CDS1: variants seen among roughly 807,000 people sequenced by gnomAD.
The protein encoded by CDS1 is CDP-diacylglycerol synthase 1.
Under a neutral mutation model 62.1 loss-of-function variants are expected in CDS1, and 41 were observed. The ratio of observed to expected loss-of-function variants is 0.66; its 90% CI spans 0.51 to 0.86. The LOEUF is 0.86. Ranked by LOEUF, CDS1 falls within the 40% of genes least tolerant of loss-of-function variation. CDS1 has a pLI of 0.00. For missense variants in CDS1, 470 were observed against 550.1 expected, an observed-to-expected ratio of 0.85 and a Z score of 1.46; for synonymous variants, 185 against 192.6, an observed-to-expected ratio of 0.96 and a Z score of 0.32.
chr4:84,644,965 G>GT (rs1199312342), intron 11 of CDS1, among the ~76,000 whole-genome samples: 1 of 152,168 alleles, frequency 6.6e-6, no homozygotes, highest in Non-Finnish European at 1.5e-5. Flanking sequence ...ACGAAAAAAA[G>GT]TAAGTGCTAG....
chr4:84,591,502 T>C (rs1722590421), intron 1 of CDS1, among the ~76,000 whole-genome samples: 2 of 152,194 alleles, frequency 1.3e-5, no homozygotes, highest in Non-Finnish European at 2.9e-5. Context: ...TGTTTGTTGC[T>C]CAACAACTGA....
At chr4:84,632,079 A>T (rs1724039119) in intron 6 of CDS1, among the ~76,000 whole-genome samples, 1 of 152,328 alleles carries the variant, frequency 6.6e-6, no homozygotes, top group South Asian at 2.1e-4. Context: ...AACTGTTTTC[A>T]AAGTTTACTA....
intron 3 of CDS1, among the ~76,000 whole-genome samples, chr4:84,613,216 T>C (rs1310537280): frequency 6.6e-6 from 1 of 152,172 alleles, no homozygotes; most frequent in African/African-American, 2.4e-5. Flanking sequence ...TATTCTTAAC[T>C]AGATCATTTA....
chr4:84,632,233 A>G (rs776782438), intron 6 of CDS1, among the ~76,000 whole-genome samples: 10 of 152,176 alleles, frequency 6.6e-5, no homozygotes, highest in Non-Finnish European at 1.2e-4. Flanking sequence ...CTATGAAAGT[A>G]ACTATGTTTA....
At chr4:84,627,661 A>G (rs1039484969) in intron 5 of CDS1, among the ~76,000 whole-genome samples, 3 of 152,164 alleles carry the variant, frequency 2.0e-5, no homozygotes, top group Non-Finnish European at 4.4e-5. Flanking sequence ...TGATTTCTTT[A>G]AAGTTCTTAT....
chr4:84,588,523 C>A (rs111922801), intron 1 of CDS1, among the ~76,000 whole-genome samples: 5,847 of 152,158 alleles, frequency 0.038, 134 homozygotes, highest in South Asian at 0.053. Flanking sequence ...TTATTACTCA[C>A]ATTAACCTCC....
intron 11 of CDS1, among the ~76,000 whole-genome samples, chr4:84,643,702 T>A (rs148456344): frequency 1.6e-4 from 24 of 152,364 alleles, no homozygotes; most frequent in Non-Finnish European, 3.1e-4. Flanking sequence ...CTGGATTTAA[T>A]AAAACTTTAT....
At chr4:84,599,739 G>A (rs1722879421) in intron 1 of CDS1, among the ~76,000 whole-genome samples, 1 of 151,942 alleles carries the variant, frequency 6.6e-6, no homozygotes, top group Admixed American at 6.6e-5. Flanking sequence ...TTTATCACAA[G>A]AGAATATTCC....
rs749760756 is a variant in CDS1, at chr4:84,618,667, G to C, written c.441-727G>C. On this transcript the variant is annotated intron_variant, in intron 4 of 12. Transcript: ENST00000295887. ...TTCTGAGCAGATGGTATTGATTAGC[G>C]GACAGTGGGTAAATAGTTGGATTGG... 2.0e-5 allele frequency among the ~76,000 whole-genome samples: 3 copies of C among 152,216 alleles called. No homozygotes were observed. In the East Asian group the frequency reaches 5.8e-4, roughly 29 times the overall value.
intron 10 of CDS1, among the ~76,000 whole-genome samples, chr4:84,642,326 CAAA>C (rs1268824695): frequency 9.0e-5 from 8 of 88,454 alleles, no homozygotes; most frequent in Non-Finnish European, 1.4e-4. Flanking sequence ...AACTCTGCCT[CAAA>C]AAAAAAAAAA....
chr4:84,635,690 C>CCTTCCTTT (rs1560481716), intron 8 of CDS1, among the ~76,000 whole-genome samples: 1 of 126,862 alleles, frequency 7.9e-6, no homozygotes, highest in African/African-American at 3.2e-5. Context: ...TTCCTTCCTT[C>CCTTCCTTT]CCTCCTTCCC....
At chr4:84,586,146 A>T (rs535655638) in intron 1 of CDS1, among the ~76,000 whole-genome samples, 1 of 152,152 alleles carries the variant, frequency 6.6e-6, no homozygotes, top group Non-Finnish European at 1.5e-5. Context: ...GAGCAAAAGG[A>T]GGAGGCATTG....
chr4:84,604,938 C>A (rs1169426902), intron 2 of CDS1, among the ~76,000 whole-genome samples: 1 of 152,112 alleles, frequency 6.6e-6, no homozygotes, highest in Non-Finnish European at 1.5e-5. Context: ...TTTCTTTTAA[C>A]TGAGTTTAAG....
intron 4 of CDS1, among the ~76,000 whole-genome samples, chr4:84,619,044 T>TACACACAC (rs33991933): frequency 0.045 from 6,347 of 140,860 alleles, 197 homozygotes; most frequent in Middle Eastern, 0.064. Flanking sequence ...ATTAAATTTA[T>TACACACAC]ACACACACAC....
intron 1 of CDS1, among the ~76,000 whole-genome samples, chr4:84,588,004 A>C (rs1176825385): frequency 6.6e-6 from 1 of 152,218 alleles, no homozygotes; most frequent in Non-Finnish European, 1.5e-5. Context: ...ACACAAATCT[A>C]CCTCACAAAA....
chr4:84,640,252 C>G (rs1724338689), intron 9 of CDS1, among the ~76,000 whole-genome samples: 1 of 150,722 alleles, frequency 6.6e-6, no homozygotes, highest in Non-Finnish European at 1.5e-5. Flanking sequence ...ATTTCTATTA[C>G]TCATTCTCGA....
At chr4:84,587,061 C>T (rs941390010) in intron 1 of CDS1, among the ~76,000 whole-genome samples, 11 of 151,876 alleles carry the variant, frequency 7.2e-5, no homozygotes, top group South Asian at 2.1e-4. Flanking sequence ...AAAAGAAAGA[C>T]GGAATGAAGA....
chr4:84,584,577 C>T (rs936890816), intron 1 of CDS1, among the ~76,000 whole-genome samples: 2 of 152,188 alleles, frequency 1.3e-5, no homozygotes, highest in Non-Finnish European at 2.9e-5. Context: ...CTGAGACTGG[C>T]TGGCAGTTCT....
intron 12 of CDS1, among the ~76,000 whole-genome samples, chr4:84,647,558 C>G (rs145144760): frequency 2.0e-5 from 3 of 152,176 alleles, no homozygotes; most frequent in Non-Finnish European, 4.4e-5. Flanking sequence ...CTCTGTTGGT[C>G]TCTACTTGGG....
Sources: gnomAD v4.1 joint callset for allele counts (sites outside exome capture counted in the v4.1 genomes callset) on GRCh38, gnomAD v4.1.1 for gene constraint, MANE v1.5 for transcripts, NCBI Gene and HGNC (gene_info 2026-07-23, HGNC 2026-07-21) for gene names.